CEP128: variants seen among roughly 807,000 people sequenced by gnomAD.
The protein encoded by CEP128 is centrosomal protein 128kDa.
CEP128 carries 132 observed loss-of-function variants against 156.7 expected under a neutral mutation model. The observed-to-expected ratio is 0.84, with a 90% CI of 0.73 to 0.97. The LOEUF (loss-of-function observed/expected upper bound fraction) is 0.97, where lower values mean the gene tolerates loss of function less well. CEP128 is among the 50% of genes least tolerant of loss of function. CEP128 has a pLI of 0.00. For synonymous variants in CEP128, 469 were observed against 448.9 expected (o/e 1.04, Z -0.57); for missense variants, 1,252 against 1,281.9 (o/e 0.98, Z 0.36).
chr14:80,662,378 A>G (rs1473065020), intron 19 of CEP128, among the ~76,000 whole-genome samples: 1 of 152,192 alleles, frequency 6.6e-6, no homozygotes, highest in Non-Finnish European at 1.5e-5. Context: ...TAGAGACAGT[A>G]ATTTACTATC....
chr14:80,849,448 A>G (rs7158936), intron 9 of CEP128, among the ~76,000 whole-genome samples: 90,397 of 151,878 alleles, frequency 0.6, 27,241 homozygotes, highest in East Asian at 0.79. Context: ...TCTCATTCTC[A>G]GATAATAAAC....
At chr14:80,736,237 G>A (rs1227598393) in intron 19 of CEP128, among the ~76,000 whole-genome samples, 3 of 142,686 alleles carry the variant, frequency 2.1e-5, no homozygotes, top group Admixed American at 7.3e-5. Context: ...TTGTTTTAAG[G>A]TAGCTCTAAT....
At chr14:80,619,367 GACACACAC>G (rs34190837) in intron 19 of CEP128, among the ~76,000 whole-genome samples, 29 of 139,470 alleles carry the variant, frequency 2.1e-4, no homozygotes, top group East Asian at 1.1e-3. Context: ...AAGACACACA[GACACACAC>G]ACACACACAC....
chr14:80,643,762 G>C (rs371658451), intron 19 of CEP128, among the ~76,000 whole-genome samples: 2 of 151,640 alleles, frequency 1.3e-5, no homozygotes, highest in Non-Finnish European at 2.9e-5. Context: ...AGCCAAAAAG[G>C]CATTGGTATC....
intron 13 of CEP128, among the ~76,000 whole-genome samples, chr14:80,817,835 C>G (rs186577431): frequency 6.7e-6 from 1 of 150,326 alleles, no homozygotes; most frequent in Non-Finnish European, 1.5e-5. Context: ...GAGTGGAGAT[C>G]GCGCAACTAC....
intron 20 of CEP128, among the ~76,000 whole-genome samples, chr14:80,561,351 T>A (rs1051539106): frequency 2.6e-5 from 4 of 152,224 alleles, no homozygotes; most frequent in Non-Finnish European, 5.9e-5. Flanking sequence ...TTGTATATTG[T>A]CACATTTGAG....
intron 13 of CEP128, among the ~76,000 whole-genome samples, chr14:80,817,092 C>T (rs1203823809): frequency 1.3e-5 from 2 of 151,950 alleles, no homozygotes; most frequent in Non-Finnish European, 2.9e-5. Context: ...CAAAGAGAAC[C>T]CAGTTAAAGC....
chr14:80,836,607 A>G (rs892183498), intron 11 of CEP128, among the ~76,000 whole-genome samples: 13 of 152,048 alleles, frequency 8.5e-5, no homozygotes, highest in African/African-American at 3.1e-4. Context: ...CTCCATTACT[A>G]TTAACCCAAA....
chr14:80,877,143 G>T (rs1595534294), intron 8 of CEP128, among the ~76,000 whole-genome samples: 2 of 151,972 alleles, frequency 1.3e-5, no homozygotes, highest in South Asian at 4.2e-4. Context: ...GACATATGTT[G>T]TAATCCCTAG....
intron 8 of CEP128, among the ~76,000 whole-genome samples, chr14:80,882,568 G>A (rs937965321): frequency 6.6e-6 from 1 of 152,174 alleles, no homozygotes; most frequent in African/African-American, 2.4e-5. Flanking sequence ...TCCACTGCTA[G>A]GTATAAACCC....
chr14:80,783,886 C>T (rs937844849), intron 15 of CEP128, among the ~76,000 whole-genome samples: 2 of 152,082 alleles, frequency 1.3e-5, no homozygotes, highest in South Asian at 4.1e-4. Context: ...ATTTTAGCCT[C>T]CATTCTGACC....
chr14:80,733,304 T>A (rs561717140), intron 19 of CEP128, among the ~76,000 whole-genome samples: 43 of 151,798 alleles, frequency 2.8e-4, no homozygotes, highest in East Asian at 1.2e-3. Flanking sequence ...TGACCATAGA[T>A]CTTGGGACTT....
chr14:80,896,019 T>C (rs1889336206), intron 7 of CEP128, among the ~76,000 whole-genome samples: 1 of 152,180 alleles, frequency 6.6e-6, no homozygotes, highest in South Asian at 2.1e-4. Context: ...AGAATGTGCC[T>C]TTCTAAAATT....
chr14:80,662,385 T>C (rs528510545), intron 19 of CEP128, among the ~76,000 whole-genome samples: 11 of 152,328 alleles, frequency 7.2e-5, no homozygotes, highest in African/African-American at 2.4e-4. Context: ...AGTAATTTAC[T>C]ATCCTTCTTA....
intron 4 of CEP128, among the ~76,000 whole-genome samples, chr14:80,910,378 G>A (rs10130858): frequency 0.065 from 9,963 of 152,186 alleles, 1,083 homozygotes; most frequent in African/African-American, 0.23. Flanking sequence ...CTGGATCATG[G>A]GGGCAGAGTT....
chr14:80,828,209 C>T lies in CEP128; in HGVS notation c.1209+2934G>A, dbSNP rs564674385. Among the ~76,000 whole-genome samples the T allele has an allele frequency of 1.1e-3, 162 of 150,514 alleles. 2 individuals carry two copies. The South Asian group carries it at 0.014, about 13-fold the overall frequency. On this transcript the variant is annotated intron_variant, in intron 13 of 24. Coordinates refer to ENST00000555265, the MANE Select transcript of CEP128 (RefSeq NM_152446.5). ...TGCGATCTCGGCTCACTGCAACCTCCGCCCCCAGGTTCAAGCAATTCTCCT... is the reference window on the plus strand; with the variant it reads ...TGCGATCTCGGCTCACTGCAACCTCTGCCCCCAGGTTCAAGCAATTCTCCT...
At chr14:80,672,503 T>C (rs1595188651) in intron 19 of CEP128, among the ~76,000 whole-genome samples, 2 of 152,320 alleles carry the variant, frequency 1.3e-5, no homozygotes, top group African/African-American at 4.8e-5. Context: ...GAATATTCAG[T>C]TACAATGTGC....
chr14:80,630,056 A>G (rs942192897), intron 19 of CEP128, among the ~76,000 whole-genome samples: 2 of 151,934 alleles, frequency 1.3e-5, no homozygotes, highest in African/African-American at 2.4e-5. Flanking sequence ...TTGAAACCCA[A>G]TCTAGATGAT....
chr14:80,598,039 T>C (rs1185553770), intron 19 of CEP128, among the ~76,000 whole-genome samples: 1 of 128,674 alleles, frequency 7.8e-6, no homozygotes, highest in East Asian at 2.4e-4. Context: ...AGATGAGAAA[T>C]AAGACAAGAA....
Sources: gnomAD v4.1 joint callset for allele counts (sites outside exome capture counted in the v4.1 genomes callset) on GRCh38, gnomAD v4.1.1 for gene constraint, MANE v1.5 for transcripts, NCBI Gene and HGNC (gene_info 2026-07-23, HGNC 2026-07-21) for gene names.